Variants in ZFHX3 observed in about 807,000 individuals in gnomAD.
ZFHX3 encodes zinc finger homeobox protein 3.
A neutral mutation model predicts 279.1 loss-of-function variants in ZFHX3; 42 were observed. The ratio of observed to expected loss-of-function variants is 0.15; its 90% CI spans 0.12 to 0.19. The LOEUF (loss-of-function observed/expected upper bound fraction) is 0.19, where lower values mean the gene tolerates loss of function less well. ZFHX3 is among the 10% of genes least tolerant of loss of function. The pLI is 1.00. For missense variants in ZFHX3, 4,981 were observed against 4,754.0 expected, an observed-to-expected ratio of 1.05 and a Z score of -1.40; for synonymous variants, 2,293 against 1,957.8, an observed-to-expected ratio of 1.17 and a Z score of -4.52.
At chr16:73,439,061 TG>T (rs955792144) in intron 3 of ZFHX3, among the ~76,000 whole-genome samples, 5 of 152,144 alleles carry the variant, frequency 3.3e-5, no homozygotes, top group African/African-American at 1.2e-4. Context: ...GGATACAACC[TG>T]GGGGGTTTTT....
At chr16:73,466,973 C>T (rs1354199499) in intron 2 of ZFHX3, among the ~76,000 whole-genome samples, 1 of 152,074 alleles carries the variant, frequency 6.6e-6, no homozygotes, top group East Asian at 1.9e-4. Flanking sequence ...TTTAGGGTAA[C>T]AAAGGTTGAG....
At chr16:73,434,824 CAAACTGGGA>C (rs2017969738) in intron 3 of ZFHX3, among the ~76,000 whole-genome samples, 1 of 152,136 alleles carries the variant, frequency 6.6e-6, no homozygotes, top group African/African-American at 2.4e-5. Flanking sequence ...GGTACCCACT[CAAACTGGGA>C]AAACAAGCAG....
intron 1 of ZFHX3, among the ~76,000 whole-genome samples, chr16:73,729,528 CAAAAACAAACA>C: frequency 7.6e-5 from 10 of 131,604 alleles, no homozygotes; most frequent in Non-Finnish European, 1.6e-4. Flanking sequence ...GACTCCATCT[CAAAAACAAACA>C]AAAAACAAAC....
At chr16:73,041,996 G>A (rs1295577380) in intron 1 of ZFHX3, among the ~76,000 whole-genome samples, 2 of 152,162 alleles carry the variant, frequency 1.3e-5, no homozygotes, top group African/African-American at 4.8e-5. Context: ...ACTTCCACGG[G>A]ACAAAGATGT....
intron 1 of ZFHX3, among the ~76,000 whole-genome samples, chr16:73,882,250 C>A (rs1020997735): frequency 6.6e-6 from 1 of 151,914 alleles, no homozygotes; most frequent in Non-Finnish European, 1.5e-5. Flanking sequence ...GCAGAAATCC[C>A]GACTGAGGTT....
intron 2 of ZFHX3, among the ~76,000 whole-genome samples, chr16:73,603,923 C>A (rs918102188): frequency 6.6e-6 from 1 of 151,748 alleles, no homozygotes; most frequent in Non-Finnish European, 1.5e-5. Flanking sequence ...GGATTACAGG[C>A]ATGTGTCACC....
At chr16:73,021,872 A>G (rs1964312118) in intron 1 of ZFHX3, among the ~76,000 whole-genome samples, 1 of 150,842 alleles carries the variant, frequency 6.6e-6, no homozygotes, top group South Asian at 2.1e-4. Context: ...TGGTACCCTT[A>G]GAAGAGGAGG....
At chr16:72,895,716 T>C (rs1002621462) in intron 3 of ZFHX3, among the ~76,000 whole-genome samples, 4 of 152,124 alleles carry the variant, frequency 2.6e-5, no homozygotes, top group African/African-American at 9.7e-5. Context: ...CTTAACTACT[T>C]GGGAGGCTGA....
At chr16:73,315,602 GA>G (rs974445638) in intron 4 of ZFHX3, among the ~76,000 whole-genome samples, 6 of 150,334 alleles carry the variant, frequency 4.0e-5, no homozygotes, top group Non-Finnish European at 7.4e-5. Flanking sequence ...ACCAGGTATT[GA>G]AAAAAAAAGA....
upstream of ZFHX3, among the ~76,000 whole-genome samples, chr16:73,051,630 A>C (rs1965452033): frequency 6.6e-6 from 1 of 152,218 alleles, no homozygotes; most frequent in Non-Finnish European, 1.5e-5. Context: ...TCAGGTGCTA[A>C]ATCTGTCAAT....
chr16:73,871,224 C>T (rs1280735678), intron 1 of ZFHX3, among the ~76,000 whole-genome samples: 1 of 152,174 alleles, frequency 6.6e-6, no homozygotes, highest in Non-Finnish European at 1.5e-5. Context: ...GACTGGAAAG[C>T]AAGAAATGCT....
Position 72,959,380 on chromosome 16 carries a change from C to T in ZFHX3, c.766G>A (p.Val256Ile), listed in dbSNP as rs764820053. Residue 256 changes from valine (V) to isoleucine (I), a missense_variant, in exon 2 of 10, where the codon GTA becomes ATA. By Grantham distance (29) the Val-to-Ile change is conservative. Around this residue, in one of 7 missense-constraint regions of ZFHX3, gnomAD observed 1,068 missense variants for 935.2 expected, o/e 1.14. Coordinates refer to ENST00000268489, the MANE Select transcript of ZFHX3 (RefSeq NM_006885.4). The stretch of plus-strand genomic sequence containing the variant: ...ACATTGTTGGGAACATCTTTGGATA[C>T]GCAGGAGCTTTTGGCAGAACCGTCG... Reference protein sequence around the residue: ...NSDGSAKSSCVSKDVPNNVDL... With the variant: ...NSDGSAKSSCISKDVPNNVDL... The T allele has an allele frequency of 2.0e-5, 32 of 1,614,088 alleles. No individual in the cohort carries two copies. Among genetic ancestry groups the T allele is most frequent in the Middle Eastern group, 3.3e-4 (2 of 6,084 alleles).
intron 2 of ZFHX3, among the ~76,000 whole-genome samples, chr16:73,507,520 G>A (rs1252557083): frequency 1.9e-5 from 2 of 107,356 alleles, no homozygotes; most frequent in East Asian, 3.8e-4. Flanking sequence ...TTTTGAGACA[G>A]GGTCTCACTC....
intron 1 of ZFHX3, chr16:73,794,416 C>T (rs527964062): frequency 4.1e-4 from 63 of 152,362 alleles, no homozygotes; most frequent in African/African-American, 1.4e-3. Context: ...ACTAGCCTAG[C>T]CTTCTGTCCA....
At chr16:73,434,679 C>A (rs1394230738) in intron 3 of ZFHX3, among the ~76,000 whole-genome samples, 1 of 152,048 alleles carries the variant, frequency 6.6e-6, no homozygotes, top group Non-Finnish European at 1.5e-5. Flanking sequence ...CAGATAACAT[C>A]ATTGAGGTTG....
At chr16:73,305,648 C>T (rs1236654056) in intron 4 of ZFHX3, among the ~76,000 whole-genome samples, 1 of 151,950 alleles carries the variant, frequency 6.6e-6, no homozygotes, top group Non-Finnish European at 1.5e-5. Context: ...GAAGCCAAAA[C>T]TCACCGATGC....
chr16:73,168,235 C>CT lies in ZFHX3; in HGVS notation c.-1103-24405dup, dbSNP rs921036342. Among the ~76,000 whole-genome samples, 13 of 142,212 alleles carry CT rather than the reference C, an allele frequency of 9.1e-5. No individual in the cohort carries two copies. In the Admixed American group the frequency reaches 9.4e-4, roughly 10 times the overall value. 93.3% of individuals were successfully genotyped at this position (142,212 alleles called of 152,430 possible). The stretch of plus-strand genomic sequence containing the variant: ...GTTTTCTTTCTTTCTTTCTTTCTTT[C>CT]TTTCTTTCTTTCTTTCTTTCTTTCT... On this transcript the variant is annotated intron_variant, in intron 5 of 17. Transcript: ENST00000641206.
chr16:72,824,134 G>A (rs2036873117), intron 5 of ZFHX3, among the ~76,000 whole-genome samples: 1 of 152,012 alleles, frequency 6.6e-6, no homozygotes, highest in African/African-American at 2.4e-5. Flanking sequence ...TTCAACCTCA[G>A]TAATTAGAAA....
intron 8 of ZFHX3, among the ~76,000 whole-genome samples, chr16:73,065,502 T>C (rs974360194): frequency 2.0e-4 from 31 of 151,724 alleles, no homozygotes; most frequent in African/African-American, 6.3e-4. Context: ...AATTTTGTGA[T>C]TTAAGGGGGC....
Sources: gnomAD v4.1 joint callset for allele counts (sites outside exome capture counted in the v4.1 genomes callset) on GRCh38, gnomAD v4.1.1 for gene constraint, gnomAD v4.1.1 regional missense constraint, MANE v1.5 for transcripts, NCBI Gene and HGNC (gene_info 2026-07-23, HGNC 2026-07-21) for gene names.